Variants in CEP135 observed in about 807,000 individuals in gnomAD.
The protein encoded by CEP135 is centrosomal protein 135.
In CEP135, 142 loss-of-function variants were observed where a neutral mutation model predicts 157.3. The observed-to-expected ratio is 0.90, with a 90% CI of 0.79 to 1.04. The LOEUF (loss-of-function observed/expected upper bound fraction) is 1.04. Ranked by LOEUF, CEP135 falls within the 50% of genes least tolerant of loss-of-function variation. CEP135 has a pLI of 0.00. For synonymous variants in CEP135, 396 were observed against 439.8 expected, an observed-to-expected ratio of 0.90 and a Z score of 1.25; for missense variants, 1,317 against 1,309.2, an observed-to-expected ratio of 1.01 and a Z score of -0.09.
At chr4:55,964,006 A>G in intron 6 of CEP135, among the ~76,000 whole-genome samples, 1 of 152,176 alleles carries the variant, frequency 6.6e-6, no homozygotes, top group South Asian at 2.1e-4. Context: ...ATCTTAAAGG[A>G]GGGAAAAAAA....
chr4:56,009,823 G>A lies in CEP135; in HGVS notation c.2425G>A (p.Val809Ile). Residue 809 changes from valine (V) to isoleucine (I), a missense_variant, in exon 19 of 26, where the codon GTA becomes ATA. Coordinates refer to ENST00000257287, the MANE Select transcript of CEP135 (RefSeq NM_025009.5). The part of the protein sequence containing the change: ...LDAAHKELDE[V>I]GRSREIAFKE... ...TGCAGCTCACAAAGAACTCGATGAA[G>A]TAGGAAGATCTAGAGAAATCGCTTT... 1.9e-6 allele frequency: 3 copies of A among 1,614,138 alleles called. No individual in the cohort carries two copies. Among genetic ancestry groups the A allele is most frequent in the South Asian group, 1.1e-5 (1 of 91,064 alleles).
chr4:55,991,598 C>T (rs1316094394), intron 14 of CEP135, among the ~76,000 whole-genome samples: 1 of 151,868 alleles, frequency 6.6e-6, no homozygotes, highest in African/African-American at 2.4e-5. Context: ...GTTTTTTTCC[C>T]CTCAATTCAG....
chr4:55,964,029 A>G (rs1351511456), intron 6 of CEP135, among the ~76,000 whole-genome samples: 3 of 152,228 alleles, frequency 2.0e-5, no homozygotes, highest in East Asian at 1.9e-4. Context: ...CAAAAATTAA[A>G]TTAGGAAGAA....
At chr4:56,024,855 G>A (rs1027452091) in intron 25 of CEP135, among the ~76,000 whole-genome samples, 8 of 150,386 alleles carry the variant, frequency 5.3e-5, no homozygotes, top group Middle Eastern at 3.2e-3. Context: ...ATGGGGTCTC[G>A]GCCAGACACA....
chr4:55,979,178 T>A (rs1729319911), intron 11 of CEP135, among the ~76,000 whole-genome samples: 2 of 152,204 alleles, frequency 1.3e-5, no homozygotes, highest in East Asian at 3.8e-4. Flanking sequence ...TTGGCACTTC[T>A]GCATTTAGTG....
chr4:55,950,640 T>TAA (rs765236551), intron 1 of CEP135, among the ~76,000 whole-genome samples: 1 of 133,432 alleles, frequency 7.5e-6, no homozygotes, highest in Admixed American at 7.4e-5. Flanking sequence ...ACAATTAAAA[T>TAA]AAAAAAAAAA....
At position 55,990,600 on chromosome 4, in the gene CEP135, A is replaced by G. The variant is rs374158303; in HGVS notation, c.1858-1334A>G. On this transcript the variant is annotated intron_variant, in intron 14 of 25. Transcript: ENST00000257287. ...CTCCTCCAACTCCTGGGCTCAAGCAATCCTCCCACCTCTTCAGCCTCCCTA... is the reference window on the plus strand; with the variant it reads ...CTCCTCCAACTCCTGGGCTCAAGCAGTCCTCCCACCTCTTCAGCCTCCCTA... Among the ~76,000 whole-genome samples, 261 of 152,062 alleles carry G rather than the reference A, an allele frequency of 1.7e-3. 1 individual carries two copies. Among genetic ancestry groups the G allele is most frequent in the Non-Finnish European group, 3.0e-3 (207 of 68,002 alleles).
intron 25 of CEP135, among the ~76,000 whole-genome samples, chr4:56,031,036 G>A (rs577109183): frequency 7.3e-5 from 11 of 151,624 alleles, no homozygotes; most frequent in Non-Finnish European, 1.6e-4. Context: ...GGAGGCTGAG[G>A]CAGAAGGATC....
At chr4:55,990,268 G>A (rs1729740321) in intron 14 of CEP135, among the ~76,000 whole-genome samples, 1 of 152,114 alleles carries the variant, frequency 6.6e-6, no homozygotes, top group Admixed American at 6.5e-5. Flanking sequence ...CTAGAGCTGT[G>A]TATTCTTATT....
intron 11 of CEP135, among the ~76,000 whole-genome samples, chr4:55,976,210 C>T (rs956028612): frequency 2.3e-4 from 34 of 148,032 alleles, no homozygotes; most frequent in Admixed American, 6.8e-5. Context: ...GCCATGATCT[C>T]GTCACTGCAT....
Position 55,954,342 on chromosome 4 carries a change from A to C in CEP135, c.431A>C (p.Gln144Pro), listed in dbSNP as rs1379584569. The C allele has an allele frequency of 1.2e-6, 2 of 1,606,986 alleles. No individual in the cohort carries two copies. Among genetic ancestry groups the C allele is most frequent in the South Asian group, 1.1e-5 (1 of 88,996 alleles). ...AAAGCTAAGAATGAAAGAATTCAAC[A>C]ACTTCAAGAAAAGAATTTGCATGCT... ...ESKAKNERIQQLQEKNLHAVV... is the reference protein window; with the variant it reads ...ESKAKNERIQPLQEKNLHAVV... The change falls in exon 4 of 26, where the codon CAA becomes CCA. Residue 144 changes from glutamine to proline, a missense_variant. Gln to Pro is a moderately conservative substitution (Grantham distance 76). Coordinates refer to ENST00000257287, the MANE Select transcript of CEP135 (RefSeq NM_025009.5).
chr4:56,014,593 T>C (rs1257628880), intron 21 of CEP135, among the ~76,000 whole-genome samples: 4 of 152,140 alleles, frequency 2.6e-5, no homozygotes, highest in Non-Finnish European at 5.9e-5. Flanking sequence ...AAGTAGAATT[T>C]GTAAGGGATG....
intron 24 of CEP135, among the ~76,000 whole-genome samples, chr4:56,021,472 A>G (rs1730970014): frequency 6.6e-6 from 1 of 152,150 alleles, no homozygotes; most frequent in South Asian, 2.1e-4. Context: ...TTTAATCCCC[A>G]GGTGTTACTA....
chr4:55,994,867 G>C (rs1251201663), intron 15 of CEP135, among the ~76,000 whole-genome samples: 1 of 151,980 alleles, frequency 6.6e-6, no homozygotes, highest in South Asian at 2.1e-4. Context: ...TGTATTTTTA[G>C]TAGAGAAGGG....
chr4:55,977,118 G>A (rs1014906928), intron 11 of CEP135, among the ~76,000 whole-genome samples: 13 of 151,980 alleles, frequency 8.6e-5, no homozygotes, highest in East Asian at 1.9e-4. Flanking sequence ...CATGGTGGCC[G>A]CCCTAGAATT....
chr4:55,949,002 A>G lies in CEP135; in HGVS notation c.-103A>G, dbSNP rs1728250676. On this transcript the variant is annotated 5_prime_UTR_variant, in exon 1 of 26. Coordinates refer to ENST00000257287, the MANE Select transcript of CEP135 (RefSeq NM_025009.5). ...CCTGGACGGAAGGAGCTAGTGGGGGACTCGAGGCCTGAGGGCAATGCGGCT... is the reference window on the plus strand; with the variant it reads ...CCTGGACGGAAGGAGCTAGTGGGGGGCTCGAGGCCTGAGGGCAATGCGGCT... 2 of 152,506 alleles carry G rather than the reference A, an allele frequency of 1.3e-5. No homozygotes were observed. Among genetic ancestry groups the G allele is most frequent in the Admixed American group, 1.3e-4 (2 of 15,280 alleles). 9.4% of individuals were successfully genotyped at this position (152,506 alleles called of 1,614,324 possible). A position where few individuals can be genotyped will look rare whatever the true frequency, so the allele number is the denominator to read the frequency against.
chr4:55,959,555 G>T, intron 5 of CEP135, 127 bp from the exon 6 acceptor site: 1 of 751,774 alleles, frequency 1.3e-6, no homozygotes, highest in South Asian at 1.6e-5. Context: ...GGACCCTTTG[G>T]CACAGTACGT....
chr4:55,965,485 A>C, intron 7 of CEP135, 159 bp from the exon 8 acceptor site: 1 of 561,096 alleles, frequency 1.8e-6, no homozygotes, highest in Non-Finnish European at 3.1e-6. Flanking sequence ...GCACATGGTC[A>C]GTTTTGTAAA....
At chr4:55,951,220 A>G (rs1358140843) in intron 1 of CEP135, among the ~76,000 whole-genome samples, 1 of 152,190 alleles carries the variant, frequency 6.6e-6, no homozygotes, top group East Asian at 1.9e-4. Context: ...ACATTCTTGT[A>G]GAGTATTTTT....
Sources: gnomAD v4.1 joint callset for allele counts (sites outside exome capture counted in the v4.1 genomes callset) on GRCh38, gnomAD v4.1.1 for gene constraint, MANE v1.5 for transcripts, NCBI Gene and HGNC (gene_info 2026-07-23, HGNC 2026-07-21) for gene names.